PACS2: variants seen among roughly 807,000 people sequenced by gnomAD.
PACS2 encodes PACS1-like protein.
In PACS2, 36 loss-of-function variants were observed where a neutral mutation model predicts 113.0. The observed-to-expected ratio is 0.32, with a 90% CI of 0.24 to 0.42. The LOEUF (loss-of-function observed/expected upper bound fraction) is 0.42, where lower values mean the gene tolerates loss of function less well. PACS2 is among the 10% of genes least tolerant of loss of function. The pLI is 1.00. For missense variants in PACS2, 1,015 were observed against 1,239.5 expected (o/e 0.82, Z 2.72); for synonymous variants, 589 against 536.1 (o/e 1.10, Z -1.36).
intron 22 of PACS2, 37 bp downstream of exon 22, chr14:105,391,803 C>T (rs1555415000): frequency 1.3e-6 from 2 of 1,554,780 alleles, no homozygotes; most frequent in Non-Finnish European, 8.7e-7. Flanking sequence ...TTTCACTTAC[C>T]CGCCCCACCA....
At chr14:105,386,682 A>T (rs2081188022) in intron 19 of PACS2, among the ~76,000 whole-genome samples, 1 of 151,982 alleles carries the variant, frequency 6.6e-6, no homozygotes, top group Non-Finnish European at 1.5e-5. Context: ...ACCTCAGTGC[A>T]GGGTAGTTGG....
At position 105,380,133 on chromosome 14, in the gene PACS2, T is replaced by C; in HGVS notation, c.1104T>C (p.Ser368=). ...TGGGAGGCAGGCAGCCGAGCGACAG[T>C]GTCTCTGACACGGTGGCCCTCGTAA... The part of the protein sequence containing the change: ...RSLGGRQPSD[S]VSDTVALGVP... Residue 368 remains serine, a synonymous_variant, in exon 11 of 25, where the codon AGT becomes AGC. Coordinates refer to ENST00000447393, the MANE Select transcript of PACS2 (RefSeq NM_001100913.3). 1 of 1,552,528 alleles carries C rather than the reference T, an allele frequency of 6.4e-7. No individual in the cohort carries two copies.
At chr14:105,307,654 T>C (rs937164587) in intron 1 of PACS2, among the ~76,000 whole-genome samples, 5 of 152,256 alleles carry the variant, frequency 3.3e-5, no homozygotes, top group Admixed American at 6.5e-5. Flanking sequence ...CAAGCTTCTA[T>C]GGCCTTCTCA....
At chr14:105,318,680 A>G (rs1303538927) in intron 1 of PACS2, among the ~76,000 whole-genome samples, 1 of 143,344 alleles carries the variant, frequency 7.0e-6, no homozygotes, top group Non-Finnish European at 1.5e-5. Context: ...TTATTTTGAG[A>G]TGGAGTCTCG....
chr14:105,393,169 C>T (rs1278178739), intron 23 of PACS2, 53 bp from the exon 24 acceptor site: 4 of 1,423,634 alleles, frequency 2.8e-6, no homozygotes, highest in African/African-American at 1.4e-5. Context: ...TGGCCCTGGC[C>T]CCAGCCCCGA....
chr14:105,355,282 G>A lies in PACS2; in HGVS notation c.423+105G>A. 7.4e-7 allele frequency: 1 copy of A among 1,353,666 alleles called. No homozygotes were observed. The highest frequency in any genetic ancestry group is 1.4e-5 in the South Asian group (1 of 70,700). The allele number at this position is 1,353,666 out of a possible 1,614,324, so 83.9% of individuals were successfully genotyped here. On this transcript the variant is annotated intron_variant, in intron 4 of 24. Coordinates refer to ENST00000447393, the MANE Select transcript of PACS2 (RefSeq NM_001100913.3). The surrounding 1 kb of genome is among the most constrained non-coding windows in gnomAD (Gnocchi z 4.1). Reference sequence around the variant, plus strand: ...TCTCTCCCGGGTCCAGATGTCCAGGGATCAGGTGAAAATGATGAGAGGAGC... The same window carrying A: ...TCTCTCCCGGGTCCAGATGTCCAGGAATCAGGTGAAAATGATGAGAGGAGC...
upstream of PACS2, among the ~76,000 whole-genome samples, chr14:105,310,682 C>T (rs1228774748): frequency 1.3e-5 from 2 of 152,028 alleles, no homozygotes; most frequent in African/African-American, 4.8e-5. Context: ...AGCCAGATGG[C>T]GCCCGGCTCT....
intron 6 of PACS2, 40 bp downstream of exon 6, chr14:105,368,187 C>T: frequency 2.8e-6 from 4 of 1,419,530 alleles, no homozygotes; most frequent in East Asian, 2.3e-5. Context: ...TCCTGGCTCA[C>T]ACCGGGTGTC....
intron 19 of PACS2, among the ~76,000 whole-genome samples, chr14:105,386,937 C>G (rs587725167): frequency 6.6e-6 from 1 of 152,194 alleles, no homozygotes; most frequent in Non-Finnish European, 1.5e-5. Flanking sequence ...TCTGGCCGCC[C>G]GGCCGCCGCA....
At position 105,355,313 on chromosome 14, in the gene PACS2, C is replaced by G. The variant is rs1555405150; in HGVS notation, c.423+136C>G. 4.6e-6 allele frequency: 5 copies of G among 1,096,918 alleles called. No individual in the cohort carries two copies. Among genetic ancestry groups the G allele is most frequent in the Non-Finnish European group, 6.3e-6 (5 of 791,710 alleles). 67.9% of individuals were successfully genotyped at this position (1,096,918 alleles called of 1,614,324 possible). A position where few individuals can be genotyped will look rare whatever the true frequency, so the allele number is the denominator to read the frequency against. On this transcript the variant is annotated intron_variant, in intron 4 of 24. Transcript: ENST00000447393. The surrounding 1 kb of genome is among the most constrained non-coding windows in gnomAD (Gnocchi z 4.1). The stretch of plus-strand genomic sequence containing the variant: ...GTGAAAATGATGAGAGGAGCCTGGG[C>G]GGCCGGGCTCCGCCATAAGGGCCAG...
chr14:105,376,275 G>A lies in PACS2; in HGVS notation c.802-493G>A, dbSNP rs990868731. ...GGGTGGATGACGCCCTCCTCCCCCC[G>A]CCACCGAGAGCTGCAGGCCACATGA... On this transcript the variant is annotated intron_variant, in intron 8 of 24. Transcript: ENST00000447393. This position sits in a 1 kb window ranked among gnomAD's most constrained non-coding sequence, Gnocchi z 4.7. 1.7e-4 allele frequency among the ~76,000 whole-genome samples: 26 copies of A among 148,636 alleles called. No homozygotes were observed. Among genetic ancestry groups the A allele is most frequent in the Admixed American group, 1.2e-3 (18 of 15,034 alleles).
rs1271410968 is a variant in PACS2 at position 105,323,070 on chromosome 14, G to A, written c.119+8033G>A. Among the ~76,000 whole-genome samples, 4 of 152,212 alleles carry A rather than the reference G, an allele frequency of 2.6e-5. No homozygotes were observed. The highest frequency in any genetic ancestry group is 9.7e-5 in the African/African-American group (4 of 41,448). On this transcript the variant is annotated intron_variant, in intron 1 of 24. Coordinates refer to ENST00000447393, the MANE Select transcript of PACS2 (RefSeq NM_001100913.3). The surrounding 1 kb of genome is among the most constrained non-coding windows in gnomAD (Gnocchi z 4.1). ...CAGGCTGGAGGGAGACGTCTGGGTG[G>A]CTTTGTGGTCATGTCATCGTTGCCA...
At chr14:105,307,689 G>A (rs2140665739) in intron 1 of PACS2, among the ~76,000 whole-genome samples, 1 of 152,332 alleles carries the variant, frequency 6.6e-6, no homozygotes, top group African/African-American at 2.4e-5. Flanking sequence ...GCCTGGCCTT[G>A]GGCAAGTGCT....
rs1555407809 is a variant in PACS2, at chr14:105,365,763, G to A, written c.424-1450G>A. ...TGACCGAGGGCTTCTGAGCTTCCAG[G>A]TTCTCACCCCTGTGTGACACTGAGA... On this transcript the variant is annotated intron_variant, in intron 4 of 24. Transcript: ENST00000447393. This position sits in a 1 kb window ranked among gnomAD's most constrained non-coding sequence, Gnocchi z 5.1. Among the ~76,000 whole-genome samples, 1 of 152,120 alleles carries A rather than the reference G, an allele frequency of 6.6e-6. No homozygotes were observed. Among genetic ancestry groups the A allele is most frequent in the African/African-American group, 2.4e-5 (1 of 41,418 alleles).
At position 105,392,600 on chromosome 14, in the gene PACS2, C is replaced by T; in HGVS notation, c.2256-19C>T. 6.3e-7 allele frequency: 1 copy of T among 1,579,964 alleles called. No individual in the cohort carries two copies. The highest frequency in any genetic ancestry group is 8.6e-7 in the Non-Finnish European group (1 of 1,162,044). The stretch of plus-strand genomic sequence containing the variant: ...GGCCCAAAGATGCAGGTGTGAATGC[C>T]TCCCTCTGCCTTTCCCAGCCAGGGT... On this transcript the variant is annotated intron_variant, in intron 22 of 24. Coordinates refer to ENST00000447393, the MANE Select transcript of PACS2 (RefSeq NM_001100913.3).
rs2060428184 is a variant in PACS2 at position 105,355,969 on chromosome 14, C to T, written c.423+792C>T. Reference sequence around the variant, plus strand: ...GTTGTGTTCAGGGGTCCAGGGGCTGCGGGCGTGAGTGGTGCTTGGGGCATG... The same window carrying T: ...GTTGTGTTCAGGGGTCCAGGGGCTGTGGGCGTGAGTGGTGCTTGGGGCATG... On this transcript the variant is annotated intron_variant, in intron 4 of 24. Coordinates refer to ENST00000447393, the MANE Select transcript of PACS2 (RefSeq NM_001100913.3). The surrounding 1 kb of genome is among the most constrained non-coding windows in gnomAD (Gnocchi z 4.1). 6.6e-6 allele frequency among the ~76,000 whole-genome samples: 1 copy of T among 152,126 alleles called. No homozygotes were observed. The highest frequency in any genetic ancestry group is 1.5e-5 in the Non-Finnish European group (1 of 68,014).
intron 1 of PACS2, among the ~76,000 whole-genome samples, chr14:105,332,376 C>T (rs750377597): frequency 1.3e-5 from 2 of 152,228 alleles, no homozygotes; most frequent in African/African-American, 4.8e-5. Context: ...GGGGTTTTGC[C>T]TGGTGCCCGT....
At chr14:105,360,595 G>T (rs1555406244) in intron 4 of PACS2, among the ~76,000 whole-genome samples, 1 of 152,052 alleles carries the variant, frequency 6.6e-6, no homozygotes, top group African/African-American at 2.4e-5. Flanking sequence ...AGCCTTCGGG[G>T]AGTTGTAACC....
chr14:105,362,455 G>C (rs1217576932), intron 4 of PACS2, among the ~76,000 whole-genome samples: 1 of 151,042 alleles, frequency 6.6e-6, no homozygotes, highest in African/African-American at 2.5e-5. Context: ...AGAATGGTGA[G>C]TCATTTCCAG....
Sources: gnomAD v4.1 joint callset for allele counts (sites outside exome capture counted in the v4.1 genomes callset) on GRCh38, gnomAD v4.1.1 for gene constraint, Gnocchi (gnomAD v3.1) non-coding constraint, MANE v1.5 for transcripts, NCBI Gene and HGNC (gene_info 2026-07-23, HGNC 2026-07-21) for gene names.